Variants in DYNC2I1 observed in about 807,000 individuals in gnomAD.
The protein encoded by DYNC2I1 is dynein 2 intermediate chain 1.
A neutral mutation model predicts 133.4 loss-of-function variants in DYNC2I1; 89 were observed. The ratio of observed to expected loss-of-function variants is 0.67; its 90% CI spans 0.56 to 0.80. The LOEUF (loss-of-function observed/expected upper bound fraction) is 0.80. Ranked by LOEUF, DYNC2I1 falls within the 30% of genes least tolerant of loss-of-function variation. The pLI is 0.00. For synonymous variants in DYNC2I1, 504 were observed against 484.3 expected, an observed-to-expected ratio of 1.04 and a Z score of -0.54; for missense variants, 1,291 against 1,314.5, an observed-to-expected ratio of 0.98 and a Z score of 0.28.
intron 15 of DYNC2I1, among the ~76,000 whole-genome samples, chr7:158,919,580 C>T (rs1045099948): frequency 6.6e-6 from 1 of 152,096 alleles, no homozygotes; most frequent in African/African-American, 2.4e-5. Context: ...GTAGCAGGTG[C>T]GGGTGTGCTG....
intron 10 of DYNC2I1, chr7:158,902,979 A>G (rs1363713722): frequency 1.6e-5 from 3 of 185,162 alleles, no homozygotes; most frequent in Non-Finnish European, 3.3e-5. Flanking sequence ...AGCCTGACTC[A>G]TGTTTTCTTT....
At chr7:158,908,782 G>A (rs1847094382) in intron 11 of DYNC2I1, among the ~76,000 whole-genome samples, 1 of 152,168 alleles carries the variant, frequency 6.6e-6, no homozygotes, top group African/African-American at 2.4e-5. Context: ...TGGCCGGCCT[G>A]CTGGGGCCAC....
chr7:158,913,119 T>C, intron 13 of DYNC2I1, 23 bp downstream of exon 13: 1 of 1,505,566 alleles, frequency 6.6e-7, no homozygotes, highest in Non-Finnish European at 9.2e-7. Context: ...TCTTGAGTGT[T>C]GACCATTGAC....
chr7:158,907,111 C>G (rs1846901186), intron 11 of DYNC2I1, among the ~76,000 whole-genome samples: 1 of 151,524 alleles, frequency 6.6e-6, no homozygotes, highest in African/African-American at 2.4e-5. Flanking sequence ...TGAGCTGTGG[C>G]TGCACCACTG....
At chr7:158,956,515 G>A (rs558930627) in intron 4 of DYNC2I1, 1 of 152,528 alleles carries the variant, frequency 6.6e-6, no homozygotes, top group African/African-American at 2.4e-5. Flanking sequence ...ACCTGTGTCG[G>A]GAACCTTCCG....
At chr7:158,925,276 C>T (rs1456417477) in intron 17 of DYNC2I1, among the ~76,000 whole-genome samples, 1 of 152,138 alleles carries the variant, frequency 6.6e-6, no homozygotes, top group Non-Finnish European at 1.5e-5. Context: ...TTGTCTTTTT[C>T]TTCAGTTTCT....
At position 158,945,815 on chromosome 7, in the gene DYNC2I1, C is replaced by T. The variant is rs59530291; in HGVS notation, c.*36C>T. 2 of 1,478,282 alleles carry T rather than the reference C, an allele frequency of 1.4e-6. No homozygotes were observed. Among genetic ancestry groups the T allele is most frequent in the African/African-American group, 2.8e-5 (2 of 70,910 alleles). 91.6% of individuals were successfully genotyped at this position (1,478,282 alleles called of 1,614,324 possible). A position where few individuals can be genotyped will look rare whatever the true frequency, so the allele number is the denominator to read the frequency against. Reference sequence around the variant, plus strand: ...TGAGAGGACCGCGTTTCTGTAATGACCCAGATTTAAAAGACATAAGGTGGA... The same window carrying T: ...TGAGAGGACCGCGTTTCTGTAATGATCCAGATTTAAAAGACATAAGGTGGA... On this transcript the variant is annotated 3_prime_UTR_variant, in exon 25 of 25. Transcript: ENST00000407559. The surrounding 1 kb of genome is among the most constrained non-coding windows in gnomAD (Gnocchi z 4.1).
chr7:158,939,288 C>A (rs2129488411), intron 23 of DYNC2I1, among the ~76,000 whole-genome samples: 1 of 152,088 alleles, frequency 6.6e-6, no homozygotes, highest in African/African-American at 2.4e-5. Context: ...CAAAACCAAT[C>A]AGCTGGGTAC....
chr7:158,882,875 CAAA>C (rs71200076), intron 5 of DYNC2I1, among the ~76,000 whole-genome samples: 13 of 108,522 alleles, frequency 1.2e-4, no homozygotes, highest in Admixed American at 1.9e-4. Context: ...GCCTTTGTCT[CAAA>C]AAAAAAAAAA....
the DYNC2I1 span, among the ~76,000 whole-genome samples, chr7:158,850,089 T>C: frequency 6.6e-6 from 1 of 151,932 alleles, no homozygotes; most frequent in Non-Finnish European, 1.5e-5. Context: ...GCAGTGGGAG[T>C]AGACACCCCT....
chr7:158,853,373 C>A (rs1481163354), upstream of DYNC2I1, among the ~76,000 whole-genome samples: 1 of 152,196 alleles, frequency 6.6e-6, no homozygotes, highest in Non-Finnish European at 1.5e-5. Flanking sequence ...ACGGATGGAA[C>A]AGGCTTCTTT....
At position 158,902,582 on chromosome 7, in the gene DYNC2I1, G is replaced by A; in HGVS notation, c.1344G>A (p.Lys448=). ...AGCGAGGTAGAACAGAATTTGAAAA[G>A]GAGCCCAGGACAGGTAAACAAATCA... is the stretch of plus-strand genomic sequence containing the variant. ...FQKRGRTEFE[K]EPRTDTNSSP... is the part of the protein sequence containing the mutation. The change falls in exon 10 of 25, where the codon AAG becomes AAA. Residue 448 remains lysine (K), a synonymous_variant. Coordinates refer to ENST00000407559, the MANE Select transcript of DYNC2I1 (RefSeq NM_018051.5). The A allele has an allele frequency of 1.2e-6, 2 of 1,613,904 alleles. No homozygotes were observed. Among genetic ancestry groups the A allele is most frequent in the African/African-American group, 1.3e-5 (1 of 75,048 alleles).
At chr7:158,853,365 G>A (rs1432072402), upstream of DYNC2I1, among the ~76,000 whole-genome samples, 3 of 152,136 alleles carry the variant, frequency 2.0e-5, no homozygotes, top group South Asian at 2.1e-4. Flanking sequence ...TTGGAATCAC[G>A]GATGGAACAG....
intron 12 of DYNC2I1, among the ~76,000 whole-genome samples, chr7:158,911,917 G>A (rs945207661): frequency 2.0e-5 from 3 of 152,216 alleles, no homozygotes; most frequent in African/African-American, 7.2e-5. Flanking sequence ...TGATCTGCTC[G>A]GAATGGGGAC....
the DYNC2I1 span, among the ~76,000 whole-genome samples, chr7:158,841,423 G>T: frequency 6.6e-6 from 1 of 151,796 alleles, no homozygotes; most frequent in Non-Finnish European, 1.5e-5. Context: ...GTGTTGGTCA[G>T]GCTAGTCTCA....
At chr7:158,876,165 G>A (rs1299283412) in intron 3 of DYNC2I1, among the ~76,000 whole-genome samples, 2 of 152,210 alleles carry the variant, frequency 1.3e-5, no homozygotes, top group African/African-American at 2.4e-5. Context: ...GAAGGTGAAG[G>A]GAAGCAGTCA....
intron 1 of DYNC2I1, chr7:158,869,524 G>A: frequency 2.1e-6 from 1 of 486,146 alleles, no homozygotes; most frequent in South Asian, 1.5e-5. Context: ...GGAAAATACA[G>A]TCTGACACAA....
downstream of DYNC2I1, among the ~76,000 whole-genome samples, chr7:158,957,874 TG>T: frequency 6.6e-6 from 1 of 152,206 alleles, no homozygotes. Context: ...CCTCCCTGCC[TG>T]GGGGCTTTAA....
chr7:158,886,013 A>G (rs1309764244), intron 6 of DYNC2I1, among the ~76,000 whole-genome samples: 2 of 149,252 alleles, frequency 1.3e-5, no homozygotes, highest in Admixed American at 6.7e-5. Context: ...GAAAGATTTT[A>G]TATTTTTATT....
Sources: gnomAD v4.1 joint callset for allele counts (sites outside exome capture counted in the v4.1 genomes callset) on GRCh38, gnomAD v4.1.1 for gene constraint, Gnocchi (gnomAD v3.1) non-coding constraint, MANE v1.5 for transcripts, NCBI Gene and HGNC (gene_info 2026-07-23, HGNC 2026-07-21) for gene names.